DYRK3: variants seen among roughly 807,000 people sequenced by gnomAD.
DYRK3 encodes the protein dual specificity tyrosine-phosphorylation-regulated kinase 3.
A neutral mutation model predicts 40.8 loss-of-function variants in DYRK3; 30 were observed. The ratio of observed to expected loss-of-function variants is 0.74; its 90% CI spans 0.55 to 1.00. The LOEUF (loss-of-function observed/expected upper bound fraction) is 1.00. Among genes scored for constraint, DYRK3 ranks in the 50% least tolerant of loss-of-function variants. The probability of loss-of-function intolerance (pLI) is 0.00; values close to 1 mark genes in which losing one functional copy is unlikely to be tolerated. For synonymous variants in DYRK3, 272 were observed against 260.7 expected, an observed-to-expected ratio of 1.04 and a Z score of -0.42; for missense variants, 699 against 731.5, an observed-to-expected ratio of 0.96 and a Z score of 0.51.
rs1444770412 is a variant in DYRK3, at chr1:206,654,206, G to A, written c.*5241G>A. 2.6e-5 allele frequency among the ~76,000 whole-genome samples: 4 copies of A among 152,202 alleles called. No homozygotes were observed. Among genetic ancestry groups the A allele is most frequent in the Admixed American group, 2.0e-4 (3 of 15,288 alleles). On this transcript the variant is annotated 3_prime_UTR_variant, in exon 3 of 3. Transcript: ENST00000367109. ...TGTTATTGATGTCATCAACACGGAA[G>A]TTGGAAAGGTGACAATGATTGTTCT...
rs1553419564 is a variant in DYRK3, at chr1:206,642,989, C to T, written c.190-4399C>T. Among the ~76,000 whole-genome samples the T allele has an allele frequency of 1.3e-5, 2 of 151,854 alleles. 1 individual carries two copies. The highest frequency in any genetic ancestry group is 4.2e-4 in the South Asian group (2 of 4,774). ...ACCCCTCCCTGTGTGGAAAAATTAC[C>T]TCCCAGAATTCTCCAGATTCACTGG... On this transcript the variant is annotated intron_variant, in intron 2 of 2. Transcript: ENST00000367109.
intron 2 of DYRK3, among the ~76,000 whole-genome samples, chr1:206,643,618 G>A (rs1281886600): frequency 6.6e-6 from 1 of 152,148 alleles, no homozygotes; most frequent in Non-Finnish European, 1.5e-5. Context: ...AATATCCATG[G>A]AGAGGTAACA....
At position 206,650,118 on chromosome 1, in the gene DYRK3, TAATAAAACTA is replaced by T. The variant is rs1671593364; in HGVS notation, c.*1155_*1164del. ...CTAAGATTTAAACAGTGAGGGCTGATAATAAAACTAATTGTTAAGCCAGTGTCCTACTTAC... is the reference window on the plus strand; with the variant it reads ...CTAAGATTTAAACAGTGAGGGCTGATATTGTTAAGCCAGTGTCCTACTTAC... On this transcript the variant is annotated 3_prime_UTR_variant, in exon 3 of 3. Coordinates refer to ENST00000367109, the MANE Select transcript of DYRK3 (RefSeq NM_003582.4). 6.6e-6 allele frequency among the ~76,000 whole-genome samples: 1 copy of T among 152,264 alleles called. No individual in the cohort carries two copies. The highest frequency in any genetic ancestry group is 2.4e-5 in the African/African-American group (1 of 41,478).
In DYRK3 at chr1:206,635,689, G is replaced by T; in HGVS notation, c.-15G>T. ...CAACTGGCGCCTCTCCCCGCGCGGGGTCCCGAGCTAGGAGATGGGAGGCAC... is the reference window on the plus strand; with the variant it reads ...CAACTGGCGCCTCTCCCCGCGCGGGTTCCCGAGCTAGGAGATGGGAGGCAC... On this transcript the variant is annotated 5_prime_UTR_variant, in exon 1 of 3. Transcript: ENST00000367109. The T allele has an allele frequency of 8.0e-7, 1 of 1,246,120 alleles. No individual in the cohort carries two copies. The highest frequency in any genetic ancestry group is 4.0e-5 in the South Asian group (1 of 25,058). The allele number at this position is 1,246,120 out of a possible 1,614,324, so 77.2% of individuals were successfully genotyped here. A position where few individuals can be genotyped will look rare whatever the true frequency, so the allele number is the denominator to read the frequency against.
intron 2 of DYRK3, among the ~76,000 whole-genome samples, chr1:206,646,775 TA>T (rs1671467631): frequency 6.6e-6 from 1 of 152,236 alleles, no homozygotes. Flanking sequence ...CCAGAAGACC[TA>T]TTCTGGTTCA....
Position 206,635,766 on chromosome 1 carries a change from G to T in DYRK3, c.63G>T (p.Pro21=). ...CGGGGCCGCCTGGGGCCGGGCTCCC[G>T]CCCCAGCAGCGGAGGTAACGGCGCC... is the stretch of plus-strand genomic sequence containing the variant. The part of the protein sequence containing the change: ...KDAGPPGAGL[P]PQQRRLGDGV... The change falls in exon 1 of 3, where the codon CCG becomes CCT. Residue 21 remains proline (P), a synonymous_variant. Coordinates refer to ENST00000367109, the MANE Select transcript of DYRK3 (RefSeq NM_003582.4). 1 of 1,244,408 alleles carries T rather than the reference G, an allele frequency of 8.0e-7. No homozygotes were observed. The highest frequency in any genetic ancestry group is 1.0e-6 in the Non-Finnish European group (1 of 989,172). 77.1% of individuals were successfully genotyped at this position (1,244,408 alleles called of 1,614,324 possible).
chr1:206,637,608 C>A, intron 1 of DYRK3, 42 bp from the exon 2 acceptor site: 1 of 1,367,818 alleles, frequency 7.3e-7, no homozygotes, highest in Non-Finnish European at 1.0e-6. Flanking sequence ...ATTCTATATT[C>A]TTCAGTTCCT....
In DYRK3 at chr1:206,647,591, T is replaced by G; in HGVS notation, c.393T>G (p.Ser131Arg). The G allele has an allele frequency of 6.2e-7, 1 of 1,614,124 alleles. No homozygotes were observed. Among genetic ancestry groups the G allele is most frequent in the Non-Finnish European group, 8.5e-7 (1 of 1,180,012 alleles). ...SDCLNTVKSN[S>R]SSKAPKVVPL... ...GCTTGAATACAGTAAAATCCAACAG[T>G]TCATCCAAGGCACCCAAAGTGGTGC... is the stretch of plus-strand genomic sequence containing the variant. Residue 131 changes from serine (S) to arginine (R), a missense_variant, in exon 3 of 3, where the codon AGT (serine) becomes AGG (arginine). Coordinates refer to ENST00000367109, the MANE Select transcript of DYRK3 (RefSeq NM_003582.4).
chr1:206,648,300 A>G lies in DYRK3; in HGVS notation c.1102A>G (p.Thr368Ala). ...CTGTTTCGAGTACCAGAAGCTCTAC[A>G]CATATATCCAGTCTCGGTTCTACAG... ...SSCFEYQKLY[T>A]YIQSRFYRAP... Residue 368 changes from threonine (T) to alanine (A), a missense_variant, in exon 3 of 3, where the codon ACA becomes GCA. Transcript: ENST00000367109. 1 of 1,614,164 alleles carries G rather than the reference A, an allele frequency of 6.2e-7. No individual in the cohort carries two copies. The highest frequency in any genetic ancestry group is 8.5e-7 in the Non-Finnish European group (1 of 1,180,026).
Position 206,648,546 on chromosome 1 carries a change from C to G in DYRK3, c.1348C>G (p.Arg450Gly), listed in dbSNP as rs781817758. 1 of 1,614,052 alleles carries G rather than the reference C, an allele frequency of 6.2e-7. No individual in the cohort carries two copies. The highest frequency in any genetic ancestry group is 1.7e-5 in the Admixed American group (1 of 60,004). Residue 450 changes from arginine to glycine, a missense_variant, in exon 3 of 3, where the codon CGC becomes GGC. Arg to Gly is a moderately radical substitution (Grantham distance 125). Transcript: ENST00000367109. The part of the protein sequence containing the change: ...KYFINSKGIP[R>G]YCSVTTQADG... ...CTTTATTAATTCCAAGGGCATACCC[C>G]GCTACTGCTCTGTGACTACCCAGGC...
chr1:206,638,509 C>G (rs183662256), intron 2 of DYRK3, among the ~76,000 whole-genome samples: 14 of 150,982 alleles, frequency 9.3e-5, no homozygotes, highest in Middle Eastern at 3.5e-3. Context: ...CTCCTGACCT[C>G]GTGATCCACC....
At chr1:206,637,851 A>G in intron 2 of DYRK3, 90 bp downstream of exon 2, 1 of 950,806 alleles carries the variant, frequency 1.1e-6, no homozygotes, top group Non-Finnish European at 1.6e-6. Context: ...TGTATCACTG[A>G]CAACCAGACT....
rs1457014676 is a variant in DYRK3, at chr1:206,654,296, G to A, written c.*5331G>A. Among the ~76,000 whole-genome samples, 1 of 152,214 alleles carries A rather than the reference G, an allele frequency of 6.6e-6. No homozygotes were observed. The highest frequency in any genetic ancestry group is 1.5e-5 in the Non-Finnish European group (1 of 68,038). On this transcript the variant is annotated 3_prime_UTR_variant, in exon 3 of 3. Coordinates refer to ENST00000367109, the MANE Select transcript of DYRK3 (RefSeq NM_003582.4). ...AAATACATACTTACACCTTGAGCCA[G>A]GTAGAATTGCCAGAACATGTTTTCC...
At chr1:206,638,553 C>G (rs1293917381) in intron 2 of DYRK3, among the ~76,000 whole-genome samples, 1 of 151,022 alleles carries the variant, frequency 6.6e-6, no homozygotes, top group Admixed American at 6.6e-5. Context: ...GGATTACAGG[C>G]GTGAGCCACC....
Position 206,647,390 on chromosome 1 carries a change from G to T in DYRK3, c.192G>T (p.Met64Ile). The T allele has an allele frequency of 6.3e-7, 1 of 1,579,560 alleles. No individual in the cohort carries two copies. Among genetic ancestry groups the T allele is most frequent in the South Asian group, 1.2e-5 (1 of 85,738 alleles). ...TATATTCATTTTCTCTTTCATAGAT[G>T]ACCACTGAGCAGTTTACAGGAGATC... ...SEPPPPRRLN[M>I]TTEQFTGDHT... is the part of the protein sequence containing the mutation. Residue 64 changes from methionine (M) to isoleucine (I), a missense_variant and splice_region_variant, in exon 3 of 3, where the codon ATG (methionine) becomes ATT (isoleucine). Transcript: ENST00000367109.
rs532751606 is a variant in DYRK3 at position 206,653,952 on chromosome 1, T to C, written c.*4987T>C. The stretch of plus-strand genomic sequence containing the variant: ...TTATTGCATAATCAAAAAAGAACAA[T>C]AAAAAAATAAAAATTTCTACTGTGA... On this transcript the variant is annotated 3_prime_UTR_variant, in exon 3 of 3. Transcript: ENST00000367109. Among the ~76,000 whole-genome samples the C allele has an allele frequency of 2.6e-5, 4 of 152,228 alleles. No individual in the cohort carries two copies. Among genetic ancestry groups the C allele is most frequent in the Non-Finnish European group, 4.4e-5 (3 of 67,976 alleles).
At position 206,635,794 on chromosome 1, in the gene DYRK3, G is replaced by T; in HGVS notation, c.77+14G>T. On this transcript the variant is annotated intron_variant, in intron 1 of 2. Transcript: ENST00000367109. Reference sequence around the variant, plus strand: ...CCAGCAGCGGAGGTAACGGCGCCACGGGGTAACGGGCTGGAGGCGCCACAG... The same window carrying T: ...CCAGCAGCGGAGGTAACGGCGCCACTGGGTAACGGGCTGGAGGCGCCACAG... 1 of 1,241,960 alleles carries T rather than the reference G, an allele frequency of 8.1e-7. No homozygotes were observed. 76.9% of individuals were successfully genotyped at this position (1,241,960 alleles called of 1,614,324 possible).
intron 2 of DYRK3, among the ~76,000 whole-genome samples, chr1:206,645,458 C>T (rs1239040983): frequency 1.3e-5 from 2 of 151,838 alleles, no homozygotes; most frequent in Non-Finnish European, 2.9e-5. Flanking sequence ...TTTTTAAGAA[C>T]AGATTTAACA....
rs1449327727 is a variant in DYRK3 at position 206,651,599 on chromosome 1, G to T, written c.*2634G>T. ...ATGAGCTTACATTGACTTATGAATG[G>T]TTTTCCTGTAGGCCCAACAGTGTCA... On this transcript the variant is annotated 3_prime_UTR_variant, in exon 3 of 3. Transcript: ENST00000367109. Among the ~76,000 whole-genome samples the T allele has an allele frequency of 9.2e-5, 14 of 152,138 alleles. No individual in the cohort carries two copies. Among genetic ancestry groups the T allele is most frequent in the African/African-American group, 2.7e-4 (11 of 41,426 alleles).
Sources: gnomAD v4.1 joint callset for allele counts (sites outside exome capture counted in the v4.1 genomes callset) on GRCh38, gnomAD v4.1.1 for gene constraint, MANE v1.5 for transcripts, NCBI Gene and HGNC (gene_info 2026-07-23, HGNC 2026-07-21) for gene names.